The following NCAM2 variants were observed in gnomAD, a reference collection of about 807,000 sequenced individuals.
The protein encoded by NCAM2 is N-CAM-2.
Under a neutral mutation model 98.1 loss-of-function variants are expected in NCAM2, and 30 were observed. The observed-to-expected ratio is 0.31, with a 90% confidence interval of 0.23 to 0.41. NCAM2 has a LOEUF of 0.41. Ranked by LOEUF, NCAM2 falls within the 10% of genes least tolerant of loss-of-function variation. NCAM2 has a pLI of 1.00. For synonymous variants in NCAM2, 368 were observed against 342.4 expected, an observed-to-expected ratio of 1.07 and a Z score of -0.83; for missense variants, 867 against 1,005.8, an observed-to-expected ratio of 0.86 and a Z score of 1.87.
chr21:21,265,116 ATACATATAT>A (rs1201674928), intron 1 of NCAM2, among the ~76,000 whole-genome samples: 12 of 46,020 alleles, frequency 2.6e-4, no homozygotes, highest in South Asian at 8.9e-4. Flanking sequence ...ATATATATAC[ATACATATAT>A]TATATATACA....
intron 17 of NCAM2, 53 bp from the exon 18 acceptor site, chr21:21,537,793 T>TATA: frequency 1.1e-6 from 1 of 869,846 alleles, no homozygotes; most frequent in Non-Finnish European, 1.8e-6. Context: ...AAGGTTAAGG[T>TATA]ACGTCTCCTT....
At chr21:21,168,348 G>T (rs1393028193) in intron 1 of NCAM2, among the ~76,000 whole-genome samples, 2 of 152,062 alleles carry the variant, frequency 1.3e-5, no homozygotes, top group Non-Finnish European at 2.9e-5. Flanking sequence ...ACCATACTTG[G>T]TGTTAAATTA....
In NCAM2 at chr21:21,117,690, T is replaced by G. The variant is rs140662813; in HGVS notation, c.55+119072T>G. Among the ~76,000 whole-genome samples the G allele has an allele frequency of 1.2e-3, 185 of 152,326 alleles. 2 individuals carry two copies. The highest frequency in any genetic ancestry group is 9.5e-3 in the South Asian group (46 of 4,830). ...TACTCTTTCATTATTTCACTCAGCC[T>G]GTGAAGTCTTATTGAGGATTATTGG... On this transcript the variant is annotated intron_variant, in intron 1 of 17. Coordinates refer to ENST00000400546, the MANE Select transcript of NCAM2 (RefSeq NM_004540.5).
chr21:21,384,939 G>A (rs1441696537), intron 9 of NCAM2, among the ~76,000 whole-genome samples: 2 of 151,954 alleles, frequency 1.3e-5, no homozygotes, highest in East Asian at 1.9e-4. Context: ...AACCATGATT[G>A]TAATTTAAAA....
chr21:21,109,270 ACT>A (rs2066408567), intron 1 of NCAM2, among the ~76,000 whole-genome samples: 1 of 151,910 alleles, frequency 6.6e-6, no homozygotes, highest in African/African-American at 2.4e-5. Context: ...CTGACTGGAA[ACT>A]CTTGAAAAAT....
chr21:21,516,948 T>C (rs1311850191), intron 16 of NCAM2, among the ~76,000 whole-genome samples: 1 of 152,186 alleles, frequency 6.6e-6, no homozygotes, highest in Non-Finnish European at 1.5e-5. Context: ...TAACTCCAAA[T>C]ATCACCTCTA....
chr21:21,139,267 A>G (rs1193983584), intron 1 of NCAM2, among the ~76,000 whole-genome samples: 1 of 152,252 alleles, frequency 6.6e-6, no homozygotes, highest in Non-Finnish European at 1.5e-5. Context: ...TAAGAGGCAA[A>G]GAACAGATTC....
At chr21:21,517,788 A>C (rs1184156251) in intron 16 of NCAM2, among the ~76,000 whole-genome samples, 1 of 152,104 alleles carries the variant, frequency 6.6e-6, no homozygotes, top group Admixed American at 6.6e-5. Context: ...AACCTGGGGA[A>C]CGAAGATGGC....
At chr21:21,223,074 C>A (rs1028504704) in intron 1 of NCAM2, among the ~76,000 whole-genome samples, 1 of 152,122 alleles carries the variant, frequency 6.6e-6, no homozygotes, top group Non-Finnish European at 1.5e-5. Flanking sequence ...GATTATTATT[C>A]TCATTTTCCT....
At chr21:21,381,999 C>A (rs1190685859) in intron 9 of NCAM2, among the ~76,000 whole-genome samples, 1 of 152,058 alleles carries the variant, frequency 6.6e-6, no homozygotes, top group Non-Finnish European at 1.5e-5. Flanking sequence ...ATTGACATTT[C>A]TTTAAGCATG....
chr21:21,474,253 T>C (rs553653889), intron 14 of NCAM2, among the ~76,000 whole-genome samples: 1 of 152,154 alleles, frequency 6.6e-6, no homozygotes, highest in East Asian at 1.9e-4. Flanking sequence ...ATGTAATTGA[T>C]TTATGCTGGG....
chr21:21,065,181 AAAAAAAC>A (rs937029532), intron 1 of NCAM2, among the ~76,000 whole-genome samples: 50 of 152,214 alleles, frequency 3.3e-4, no homozygotes, highest in African/African-American at 7.9e-4. Flanking sequence ...CTCTCTCTCA[AAAAAAAC>A]AAAAAACAAA....
At chr21:21,532,394 T>C (rs1330565750) in intron 16 of NCAM2, among the ~76,000 whole-genome samples, 5 of 152,022 alleles carry the variant, frequency 3.3e-5, no homozygotes, top group African/African-American at 1.2e-4. Flanking sequence ...AAAATTAATG[T>C]AATAAAAATT....
At chr21:21,472,717 TTATAGA>T (rs2146240304) in intron 14 of NCAM2, among the ~76,000 whole-genome samples, 1 of 151,974 alleles carries the variant, frequency 6.6e-6, no homozygotes, top group African/African-American at 2.4e-5. Context: ...CTGCCAATGT[TTATAGA>T]TATGAGAACA....
intron 9 of NCAM2, among the ~76,000 whole-genome samples, chr21:21,382,200 A>G (rs1372614155): frequency 2.0e-5 from 3 of 152,162 alleles, no homozygotes; most frequent in African/African-American, 4.8e-5. Flanking sequence ...TTTGGAGTGT[A>G]CTGAGCTTCT....
intron 8 of NCAM2, among the ~76,000 whole-genome samples, chr21:21,345,755 G>T (rs146950979): frequency 2.0e-5 from 3 of 151,962 alleles, no homozygotes; most frequent in Non-Finnish European, 2.9e-5. Flanking sequence ...ATATCTAACC[G>T]CAGGAAAGTT....
intron 1 of NCAM2, among the ~76,000 whole-genome samples, chr21:21,078,798 A>G (rs893511278): frequency 3.3e-5 from 5 of 152,200 alleles, no homozygotes; most frequent in South Asian, 2.1e-4. Flanking sequence ...ATACCCATCA[A>G]TGATAGATTA....
intron 1 of NCAM2, among the ~76,000 whole-genome samples, chr21:21,245,900 GGTTAGATAT>G (rs2071251401): frequency 6.6e-6 from 1 of 152,096 alleles, no homozygotes; most frequent in South Asian, 2.1e-4. Flanking sequence ...TAGGTAGATA[GGTTAGATAT>G]GTGTTGATAG....
At chr21:21,292,418 A>G (rs2073331596) in intron 5 of NCAM2, among the ~76,000 whole-genome samples, 177 bp downstream of exon 5, 1 of 151,936 alleles carries the variant, frequency 6.6e-6, no homozygotes, top group African/African-American at 2.4e-5. Flanking sequence ...GCCTCAAGGC[A>G]GGATCCATGA....
Sources: allele counts gnomAD v4.1 joint callset (sites outside exome capture counted in the v4.1 genomes callset), GRCh38; gene constraint gnomAD v4.1.1; transcripts MANE v1.5; gene names NCBI Gene and HGNC (gene_info 2026-07-23, HGNC 2026-07-21).